The following CENPS variants were observed in gnomAD, a reference collection of about 807,000 sequenced individuals.
CENPS encodes the protein FANCM associated histone fold protein 1.
CENPS carries 16 observed loss-of-function variants against 17.9 expected under a neutral mutation model. That is an observed-to-expected ratio of 0.90 (90% CI 0.61 to 1.36). CENPS has a LOEUF of 1.36. CENPS is among the 40% of genes most tolerant of loss of function. CENPS has a pLI of 0.00. For synonymous variants in CENPS, 49 were observed against 55.8 expected (o/e 0.88, Z 0.54); for missense variants, 160 against 158.6 (o/e 1.01, Z -0.05).
At chr1:10,431,972 CA>C (rs576673997) in intron 1 of CENPS, among the ~76,000 whole-genome samples, 1,825 of 152,072 alleles carry the variant, frequency 0.012, 38 homozygotes, top group African/African-American at 0.042. Flanking sequence ...CAAGTGCCCC[CA>C]CTTGTCCTAA....
At chr1:10,436,225 G>T (rs1640151649) in intron 3 of CENPS, among the ~76,000 whole-genome samples, 1 of 151,498 alleles carries the variant, frequency 6.6e-6, no homozygotes, top group East Asian at 2.0e-4. Context: ...TGATTTGCCT[G>T]CCTCAGTCTC....
rs115013046 is a variant in CENPS at position 10,438,784 on chromosome 1, C to A, written c.210-1563C>A. On this transcript the variant is annotated intron_variant, in intron 3 of 4. Transcript: ENST00000309048. Reference sequence around the variant, plus strand: ...AGGACTGAGATCGTTGTTTCCTAAACGCTTTCTCGTAAACAGATAAGTTCA... The same window carrying A: ...AGGACTGAGATCGTTGTTTCCTAAAAGCTTTCTCGTAAACAGATAAGTTCA... Among the ~76,000 whole-genome samples, 29 of 152,196 alleles carry A rather than the reference C, an allele frequency of 1.9e-4. No individual in the cohort carries two copies. In the South Asian group the frequency reaches 5.8e-3, roughly 30 times the overall value.
chr1:10,435,374 C>T (rs1453285937), intron 3 of CENPS, among the ~76,000 whole-genome samples: 2 of 151,986 alleles, frequency 1.3e-5, no homozygotes, highest in Non-Finnish European at 2.9e-5. Flanking sequence ...CTCCCACACC[C>T]CTTACTTTTC....
rs1482771475 is a variant in CENPS, at chr1:10,430,496, T to C, written c.-22T>C. On this transcript the variant is annotated 5_prime_UTR_variant, in exon 1 of 5. Coordinates refer to ENST00000309048, the MANE Select transcript of CENPS (RefSeq NM_199294.3). Reference sequence around the variant, plus strand: ...CGCCCCTTCTCGGCCCTCCTGCGTTTGCCCAGGGTCGGCCCGCAGTGATGG... The same window carrying C: ...CGCCCCTTCTCGGCCCTCCTGCGTTCGCCCAGGGTCGGCCCGCAGTGATGG... The C allele has an allele frequency of 6.5e-7, 1 of 1,535,738 alleles. No homozygotes were observed. Among genetic ancestry groups the C allele is most frequent in the Non-Finnish European group, 8.8e-7 (1 of 1,141,632 alleles).
Position 10,430,515 on chromosome 1 carries a change from G to C in CENPS, c.-3G>C. Reference sequence around the variant, plus strand: ...TGCGTTTGCCCAGGGTCGGCCCGCAGTGATGGAGGAGGAGGCGGAGACCGA... The same window carrying C: ...TGCGTTTGCCCAGGGTCGGCCCGCACTGATGGAGGAGGAGGCGGAGACCGA... On this transcript the variant is annotated 5_prime_UTR_variant, in exon 1 of 5. Coordinates refer to ENST00000309048, the MANE Select transcript of CENPS (RefSeq NM_199294.3). 6.5e-7 allele frequency: 1 copy of C among 1,538,818 alleles called. No individual in the cohort carries two copies. Among genetic ancestry groups the C allele is most frequent in the Non-Finnish European group, 8.7e-7 (1 of 1,142,922 alleles).
At chr1:10,431,229 A>C (rs997635569) in intron 1 of CENPS, 1 of 1,528,548 alleles carries the variant, frequency 6.5e-7, no homozygotes, top group Non-Finnish European at 8.7e-7. Flanking sequence ...TGCCGTGAAG[A>C]GGCTTAAAAG....
intron 1 of CENPS, chr1:10,431,093 G>A (rs1228811177): frequency 2.9e-6 from 4 of 1,396,314 alleles, no homozygotes; most frequent in Non-Finnish European, 3.7e-6. Flanking sequence ...TATCGACTCG[G>A]CCCAGACGCA....
intron 1 of CENPS, among the ~76,000 whole-genome samples, chr1:10,431,677 A>G (rs576998232): frequency 5.8e-4 from 88 of 152,066 alleles, no homozygotes; most frequent in African/African-American, 2.0e-3. Context: ...CCAACATGGA[A>G]ACCCCCTCTC....
rs1194477568 is a variant in CENPS, at chr1:10,436,350, A to ATG, written c.209+1669_209+1670dup. ...TGCGTGCATGTGAGTGTGTGTGTGTATGTGTGTGTGACTTAGACCATAAGC... is the reference window on the plus strand; with the variant it reads ...TGCGTGCATGTGAGTGTGTGTGTGTATGTGTGTGTGTGACTTAGACCATAAGC... On this transcript the variant is annotated intron_variant, in intron 3 of 4. Transcript: ENST00000309048. 1.1e-4 allele frequency among the ~76,000 whole-genome samples: 17 copies of ATG among 149,776 alleles called. No homozygotes were observed. In the South Asian group the frequency reaches 3.2e-3, roughly 28 times the overall value.
intron 1 of CENPS, chr1:10,431,183 G>A (rs1639896259): frequency 1.3e-6 from 2 of 1,482,802 alleles, no homozygotes; most frequent in Non-Finnish European, 1.8e-6. Flanking sequence ...CCTTTCATCA[G>A]CGCCGGGCAT....
chr1:10,441,748 C>T (rs978816368), intron 4 of CENPS, among the ~76,000 whole-genome samples: 1 of 151,416 alleles, frequency 6.6e-6, no homozygotes, highest in Non-Finnish European at 1.5e-5. Context: ...GCCTCAGCCT[C>T]CCGAGTAGCT....
chr1:10,442,429 C>A lies in CENPS; in HGVS notation c.*24C>A, dbSNP rs1180647651. The A allele has an allele frequency of 1.9e-6, 3 of 1,541,572 alleles. No homozygotes were observed. In the African/African-American group the frequency reaches 4.2e-5, roughly 22 times the overall value. ...AAAGTCCCTCGCCGCTTGGAAAGTGCAGCCTTCTACAGGTAGAGCCACCTA... is the reference window on the plus strand; with the variant it reads ...AAAGTCCCTCGCCGCTTGGAAAGTGAAGCCTTCTACAGGTAGAGCCACCTA... On this transcript the variant is annotated 3_prime_UTR_variant, in exon 5 of 5. Transcript: ENST00000309048.
At chr1:10,435,981 ATT>A (rs141993546) in intron 3 of CENPS, among the ~76,000 whole-genome samples, 113 of 142,386 alleles carry the variant, frequency 7.9e-4, no homozygotes, top group South Asian at 8.8e-4. Context: ...TAAGAGGTTG[ATT>A]TTTTTTTTTT....
At chr1:10,438,600 G>A (rs940547325) in intron 3 of CENPS, among the ~76,000 whole-genome samples, 7 of 152,128 alleles carry the variant, frequency 4.6e-5, no homozygotes, top group Non-Finnish European at 8.8e-5. Context: ...CGTGTTATAT[G>A]AAAAATTGCT....
rs1451706980 is a variant in CENPS at position 10,440,389 on chromosome 1, C to T, written c.252C>T (p.Leu84=). Residue 84 remains leucine, a synonymous_variant, in exon 4 of 5, where the codon CTC becomes CTT. Coordinates refer to ENST00000309048, the MANE Select transcript of CENPS (RefSeq NM_199294.3). ...RTTINTEDVK[L]LARRSNSLLK... is the part of the protein sequence containing the mutation. ...CAATTAACACTGAAGATGTGAAGCT[C>T]TTAGCCAGGAGGAGTAATTCACTGG... The T allele has an allele frequency of 6.2e-7, 1 of 1,614,048 alleles. No individual in the cohort carries two copies. Among genetic ancestry groups the T allele is most frequent in the South Asian group, 1.1e-5 (1 of 91,044 alleles).
intron 4 of CENPS, among the ~76,000 whole-genome samples, chr1:10,440,739 T>C (rs1355139337): frequency 6.6e-6 from 1 of 152,252 alleles, no homozygotes; most frequent in Non-Finnish European, 1.5e-5. Flanking sequence ...AGTTTTGTTA[T>C]TGTATTCACA....
Position 10,434,637 on chromosome 1 carries a change from A to G in CENPS, c.176-20A>G. On this transcript the variant is annotated intron_variant, in intron 2 of 4. Coordinates refer to ENST00000309048, the MANE Select transcript of CENPS (RefSeq NM_199294.3). ...AGATGGGAGGGTGCCTAAAGTGTGTATCTTTTTTTTCTCTTTCAGAAAATT... is the reference window on the plus strand; with the variant it reads ...AGATGGGAGGGTGCCTAAAGTGTGTGTCTTTTTTTTCTCTTTCAGAAAATT... The G allele has an allele frequency of 2.5e-6, 4 of 1,602,878 alleles. No homozygotes were observed. The highest frequency in any genetic ancestry group is 2.2e-5 in the South Asian group (2 of 88,918).
intron 1 of CENPS, among the ~76,000 whole-genome samples, chr1:10,431,855 G>GAAAAA (rs5772410): frequency 1.2e-4 from 14 of 118,790 alleles, no homozygotes; most frequent in African/African-American, 4.4e-4. Context: ...CTCCATCTCA[G>GAAAAA]AAAAAAAAAA....
chr1:10,435,704 T>TACAC (rs1245329164), intron 3 of CENPS, among the ~76,000 whole-genome samples: 79 of 143,644 alleles, frequency 5.5e-4, no homozygotes, highest in South Asian at 1.1e-3. Context: ...TTAAAAATAA[T>TACAC]ATATATATAT....
Sources: gnomAD v4.1 joint callset for allele counts (sites outside exome capture counted in the v4.1 genomes callset) on GRCh38, gnomAD v4.1.1 for gene constraint, MANE v1.5 for transcripts, NCBI Gene and HGNC (gene_info 2026-07-23, HGNC 2026-07-21) for gene names.